STK3: variants seen among roughly 807,000 people sequenced by gnomAD.
STK3 encodes the protein serine/threonine-protein kinase 3.
Under a neutral mutation model 58.0 loss-of-function variants are expected in STK3, and 41 were observed. The ratio of observed to expected loss-of-function variants is 0.71; its 90% CI spans 0.55 to 0.92. The LOEUF (loss-of-function observed/expected upper bound fraction) is 0.92, where lower values mean the gene tolerates loss of function less well. STK3 is among the 40% of genes least tolerant of loss of function. The pLI is 0.00. For missense variants in STK3, 479 were observed against 602.7 expected (o/e 0.79, Z 2.15); for synonymous variants, 170 against 191.0 (o/e 0.89, Z 0.91).
At chr8:98,397,046 A>T (rs1219497947), downstream of STK3, among the ~76,000 whole-genome samples, 2 of 152,224 alleles carry the variant, frequency 1.3e-5, no homozygotes, top group African/African-American at 2.4e-5. Flanking sequence ...CAAATTAATG[A>T]CAGAGTCTGG....
chr8:98,847,153 C>T (rs1836238708), intron 3 of STK3, among the ~76,000 whole-genome samples: 1 of 152,072 alleles, frequency 6.6e-6, no homozygotes, highest in African/African-American at 2.4e-5. Flanking sequence ...TGCTTGAAGC[C>T]AAGAGTTTGA....
downstream of STK3, among the ~76,000 whole-genome samples, chr8:98,451,214 T>C (rs971735034): frequency 6.6e-6 from 1 of 152,176 alleles, no homozygotes; most frequent in Non-Finnish European, 1.5e-5. Context: ...CTCATGGCGT[T>C]CAATGAAACT....
chr8:98,657,262 T>A (rs1821622017), intron 6 of STK3, among the ~76,000 whole-genome samples: 1 of 152,054 alleles, frequency 6.6e-6, no homozygotes, highest in Admixed American at 6.6e-5. Context: ...CATCAAATCA[T>A]TCAATCACAA....
chr8:98,767,995 C>T (rs1028711722), intron 2 of STK3, among the ~76,000 whole-genome samples: 12 of 152,262 alleles, frequency 7.9e-5, no homozygotes, highest in South Asian at 2.1e-4. Flanking sequence ...AGTCACTTGC[C>T]CAAAACCTGT....
In STK3 at chr8:98,443,780, G is replaced by A. The variant is rs116459983; in HGVS notation, n.186-6572C>T. Among the ~76,000 whole-genome samples the A allele has an allele frequency of 5.6e-3, 815 of 145,586 alleles. 8 individuals are homozygous for A. Among genetic ancestry groups the A allele is most frequent in the African/African-American group, 0.02 (783 of 39,482 alleles). On this transcript the variant is annotated intron_variant and non_coding_transcript_variant, in intron 1 of 3. Transcript: ENST00000517832. ...GGAAAATCGCTTGAACCTAGGAGGC[G>A]GAGATTGCAATGAGCCGAGATCACA...
At chr8:98,362,281 G>A in the STK3 span, among the ~76,000 whole-genome samples, 1 of 152,146 alleles carries the variant, frequency 6.6e-6, no homozygotes. Flanking sequence ...ACTGGAGCAA[G>A]CACTGACAGC....
intron 9 of STK3, among the ~76,000 whole-genome samples, chr8:98,533,303 T>C (rs1203525553): frequency 7.2e-5 from 11 of 152,214 alleles, no homozygotes; most frequent in Non-Finnish European, 1.5e-5. Context: ...TTTTTTAATA[T>C]CTATCCAGAG....
At chr8:98,545,695 T>C (rs1483129449) in intron 9 of STK3, among the ~76,000 whole-genome samples, 2 of 152,082 alleles carry the variant, frequency 1.3e-5, no homozygotes, top group African/African-American at 4.8e-5. Flanking sequence ...AAATTCTAAA[T>C]CTTCAGTACA....
At chr8:98,903,190 G>C (rs547575634) in intron 1 of STK3, among the ~76,000 whole-genome samples, 1 of 152,256 alleles carries the variant, frequency 6.6e-6, no homozygotes, top group South Asian at 2.1e-4. Context: ...AAATGGCTAG[G>C]ATATGACATT....
intron 1 of STK3, among the ~76,000 whole-genome samples, chr8:98,927,459 CA>C (rs1839842671): frequency 6.6e-6 from 1 of 152,190 alleles, no homozygotes; most frequent in Non-Finnish European, 1.5e-5. Flanking sequence ...CAAGCTGAGC[CA>C]AATCTTCTAT....
chr8:98,472,640 A>G (rs755709494), intron 10 of STK3, among the ~76,000 whole-genome samples: 4 of 152,220 alleles, frequency 2.6e-5, no homozygotes, highest in Non-Finnish European at 5.9e-5. Flanking sequence ...TTCCTTAAAT[A>G]ACACAATTCT....
At chr8:98,652,540 T>C (rs1005198674) in intron 6 of STK3, among the ~76,000 whole-genome samples, 7 of 147,396 alleles carry the variant, frequency 4.7e-5, no homozygotes, top group Middle Eastern at 3.5e-3. Flanking sequence ...GACTGGCAAA[T>C]TGGATAAAGA....
At chr8:98,898,531 A>G (rs1467260490) in intron 1 of STK3, among the ~76,000 whole-genome samples, 9 of 152,250 alleles carry the variant, frequency 5.9e-5, no homozygotes, top group East Asian at 3.8e-4. Context: ...CTACAGCTCC[A>G]TAAACTCTTT....
At chr8:98,419,594 C>T (rs1586554525) in intron 3 of STK3, among the ~76,000 whole-genome samples, 1 of 152,330 alleles carries the variant, frequency 6.6e-6, no homozygotes, top group Non-Finnish European at 1.5e-5. Flanking sequence ...TGGGCTGCAT[C>T]CTGGACCTGG....
intron 6 of STK3, among the ~76,000 whole-genome samples, chr8:98,609,337 C>A (rs1816997897): frequency 6.6e-6 from 1 of 152,066 alleles, no homozygotes. Context: ...AGCATAATAA[C>A]TCCTCAAAAA....
chr8:98,575,886 G>A (rs1416883472), intron 8 of STK3, among the ~76,000 whole-genome samples: 1 of 152,114 alleles, frequency 6.6e-6, no homozygotes. Context: ...GCACAAAAAT[G>A]TTTAATTTTG....
At chr8:98,650,277 T>G (rs999157708) in intron 6 of STK3, among the ~76,000 whole-genome samples, 4 of 152,274 alleles carry the variant, frequency 2.6e-5, no homozygotes, top group African/African-American at 9.6e-5. Context: ...ATAATGATAA[T>G]AGAGGACATA....
intron 10 of STK3, among the ~76,000 whole-genome samples, chr8:98,524,884 T>C (rs1444677011): frequency 3.3e-5 from 5 of 152,238 alleles, no homozygotes; most frequent in Admixed American, 3.3e-4. Flanking sequence ...AGACAAACTA[T>C]TAACCTACAA....
chr8:98,801,366 G>T (rs2131625682), intron 1 of STK3, among the ~76,000 whole-genome samples: 2 of 152,234 alleles, frequency 1.3e-5, no homozygotes, highest in South Asian at 4.1e-4. Flanking sequence ...GCCAGCAGTG[G>T]TAACCCGCTC....
Sources: gnomAD v4.1 joint callset for allele counts (sites outside exome capture counted in the v4.1 genomes callset) on GRCh38, gnomAD v4.1.1 for gene constraint, MANE v1.5 for transcripts, NCBI Gene and HGNC (gene_info 2026-07-23, HGNC 2026-07-21) for gene names.